The following RASIP1 variants were observed in gnomAD, a reference collection of about 807,000 sequenced individuals.
RASIP1 encodes the protein ras-interacting protein 1.
In RASIP1, 20 loss-of-function variants were observed where a neutral mutation model predicts 85.3. The observed-to-expected ratio is 0.23, with a 90% CI of 0.17 to 0.34. The LOEUF (loss-of-function observed/expected upper bound fraction) is 0.34, where lower values mean the gene tolerates loss of function less well. RASIP1 is among the 10% of genes least tolerant of loss of function. The pLI, the probability that RASIP1 is intolerant of heterozygous loss-of-function variation, is 1.00. For missense variants in RASIP1, 1,170 were observed against 1,390.9 expected, an observed-to-expected ratio of 0.84 and a Z score of 2.53; for synonymous variants, 617 against 647.1, an observed-to-expected ratio of 0.95 and a Z score of 0.71.
rs933264566 is a variant in RASIP1, at chr19:48,740,597, C to A, written c.-81G>T. On this transcript the variant is annotated 5_prime_UTR_variant, in exon 1 of 12. Coordinates refer to ENST00000222145, the MANE Select transcript of RASIP1 (RefSeq NM_017805.3). The surrounding 1 kb of genome is among the most constrained non-coding windows in gnomAD (Gnocchi z 5.5). ...AGTTCCACTGCTCTTGCCTCTGCCA[C>A]GGCTCCCAGCACTGGGTGGGGGACA... 8 of 1,381,626 alleles carry A rather than the reference C, an allele frequency of 5.8e-6. No homozygotes were observed. Among genetic ancestry groups the A allele is most frequent in the African/African-American group, 2.9e-5 (2 of 68,836 alleles). 85.6% of individuals were successfully genotyped at this position (1,381,626 alleles called of 1,614,324 possible).
At chr19:48,737,422 C>G in intron 3 of RASIP1, 1 of 982,882 alleles carries the variant, frequency 1.0e-6, no homozygotes, top group Non-Finnish European at 1.2e-6. Context: ...CAGGCGCGGT[C>G]CACCACCAGC....
rs1287559833 is a variant in RASIP1, at chr19:48,720,944, T to C, written c.2746A>G (p.Ser916Gly). 1.2e-6 allele frequency: 2 copies of C among 1,612,532 alleles called. No individual in the cohort carries two copies. Among genetic ancestry groups the C allele is most frequent in the Non-Finnish European group, 1.7e-6 (2 of 1,179,702 alleles). Residue 916 changes from serine (S) to glycine (G), a missense_variant, in exon 12 of 12, where the codon AGC (serine) becomes GGC (glycine). Physicochemically the swap from Ser to Gly is moderately conservative, Grantham distance 56 (BLOSUM62 0). Around this residue, in one of 4 missense-constraint regions of RASIP1, gnomAD observed 144 missense variants for 125.5 expected, o/e 1.15. Transcript: ENST00000222145. ...GGACCAGTGAGGCGCAGGCGCGAGC[T>C]CCCCAGGGGGAGGATGAGGGGCGGG... ...SHPPLILPLG[S>G]SRLRLTGPVT...
chr19:48,734,433 T>A, intron 4 of RASIP1, among the ~76,000 whole-genome samples: 1 of 149,786 alleles, frequency 6.7e-6, no homozygotes, highest in African/African-American at 2.5e-5. Flanking sequence ...CCTGCCTCAG[T>A]CTCCCGAGTA....
rs1599750348 is a variant in RASIP1, at chr19:48,738,678, A to C, written c.823+282T>G. 7.1e-6 allele frequency: 2 copies of C among 281,700 alleles called. No individual in the cohort carries two copies. The highest frequency in any genetic ancestry group is 1.3e-5 in the Non-Finnish European group (2 of 156,294). The allele number at this position is 281,700 out of a possible 1,614,324, so 17.5% of individuals were successfully genotyped here. On this transcript the variant is annotated intron_variant, in intron 3 of 11. Coordinates refer to ENST00000222145, the MANE Select transcript of RASIP1 (RefSeq NM_017805.3). This position sits in a 1 kb window ranked among gnomAD's most constrained non-coding sequence, Gnocchi z 4.0. Reference sequence around the variant, plus strand: ...AGGCCACTCCAAGCCACCACCAGCAACCAGCCCCCGTCCCGCCTAAGCCCC... The same window carrying C: ...AGGCCACTCCAAGCCACCACCAGCACCCAGCCCCCGTCCCGCCTAAGCCCC...
Position 48,720,735 on chromosome 19 carries a change from C to T in RASIP1, c.*63G>A. The stretch of plus-strand genomic sequence containing the variant: ...ACTCCCAGAAAGCTTTGCGCTCAGG[C>T]GGGCTCCTGTCCGTAGAAGCCCGTG... On this transcript the variant is annotated 3_prime_UTR_variant, in exon 12 of 12. Coordinates refer to ENST00000222145, the MANE Select transcript of RASIP1 (RefSeq NM_017805.3). 1.3e-6 allele frequency: 2 copies of T among 1,538,902 alleles called. No individual in the cohort carries two copies. The highest frequency in any genetic ancestry group is 1.8e-6 in the Non-Finnish European group (2 of 1,114,952).
At chr19:48,723,424 G>A (rs1435395557) in intron 10 of RASIP1, among the ~76,000 whole-genome samples, 1 of 152,000 alleles carries the variant, frequency 6.6e-6, no homozygotes, top group African/African-American at 2.4e-5. Flanking sequence ...GCCGGGTGTG[G>A]TGGCGCGTGC....
Position 48,740,049 on chromosome 19 carries a change from A to C in RASIP1, c.137+97T>G. 7.0e-7 allele frequency: 1 copy of C among 1,423,652 alleles called. No homozygotes were observed. The highest frequency in any genetic ancestry group is 1.5e-5 in the South Asian group (1 of 68,810). The allele number at this position is 1,423,652 out of a possible 1,614,324, so 88.2% of individuals were successfully genotyped here. On this transcript the variant is annotated intron_variant, in intron 2 of 11. Coordinates refer to ENST00000222145, the MANE Select transcript of RASIP1 (RefSeq NM_017805.3). The surrounding 1 kb of genome is among the most constrained non-coding windows in gnomAD (Gnocchi z 5.5). ...CAGCTCGTTTGCCCAATTCAGGATG[A>C]GGACCGGAGCCAACACTTTGCAGGG...
In RASIP1 at chr19:48,720,789, T is replaced by C; in HGVS notation, c.*9A>G. 6.2e-7 allele frequency: 1 copy of C among 1,613,388 alleles called. No homozygotes were observed. Among genetic ancestry groups the C allele is most frequent in the Non-Finnish European group, 8.5e-7 (1 of 1,179,588 alleles). On this transcript the variant is annotated 3_prime_UTR_variant, in exon 12 of 12. Transcript: ENST00000222145. The stretch of plus-strand genomic sequence containing the variant: ...TTTCAAGGTTCGCGCGCTCGTTTGG[T>C]ATTGGTTCTCAAGGAGACGTGGCCA...
At position 48,739,626 on chromosome 19, in the gene RASIP1, C is replaced by T; in HGVS notation, c.157G>A (p.Gly53Arg). The change falls in exon 3 of 12, where the codon GGG (glycine) becomes AGG (arginine). Residue 53 changes from glycine to arginine, a missense_variant. Around this residue, in one of 4 missense-constraint regions of RASIP1, gnomAD observed 299 missense variants for 394.4 expected, o/e 0.76. Transcript: ENST00000222145. This position sits in a 1 kb window ranked among gnomAD's most constrained non-coding sequence, Gnocchi z 9.2. ...GGTAGCGGCTCGCTGCTGCGGCTCC[C>T]CGTGTCCGACGAAGAAGACCTGGGA... ...ASVKSSSSDTGSRSSEPLPPP... is the reference protein window; with the variant it reads ...ASVKSSSSDTRSRSSEPLPPP... The T allele has an allele frequency of 7.0e-7, 1 of 1,434,372 alleles. No individual in the cohort carries two copies. The highest frequency in any genetic ancestry group is 9.1e-7 in the Non-Finnish European group (1 of 1,093,116). The allele number at this position is 1,434,372 out of a possible 1,614,324, so 88.9% of individuals were successfully genotyped here.
Position 48,739,588 on chromosome 19 carries a change from C to T in RASIP1, c.195G>A (p.Pro65=), listed in dbSNP as rs754318045. The T allele has an allele frequency of 6.1e-5, 91 of 1,484,472 alleles. No individual in the cohort carries two copies. The South Asian group carries it at 8.3e-4, about 14-fold the overall frequency. The allele number at this position is 1,484,472 out of a possible 1,614,324, so 92.0% of individuals were successfully genotyped here. The change falls in exon 3 of 12, where the codon CCG becomes CCA. Residue 65 remains proline (P), a synonymous_variant. Transcript: ENST00000222145. This position sits in a 1 kb window ranked among gnomAD's most constrained non-coding sequence, Gnocchi z 9.2. The stretch of plus-strand genomic sequence containing the variant: ...CGCCCACTCGCCGCAGCTCCACGTG[C>T]GGCGGGGGCGGAGGTAGCGGCTCGC... ...RSSEPLPPPP[P]HVELRRVGAV... is the part of the protein sequence containing the mutation.
chr19:48,731,702 C>T (rs1388642339), intron 4 of RASIP1, among the ~76,000 whole-genome samples: 2 of 152,218 alleles, frequency 1.3e-5, no homozygotes, highest in African/African-American at 2.4e-5. Context: ...ACACTAAATT[C>T]TACCATTACC....
In RASIP1 at chr19:48,729,039, C is replaced by A; in HGVS notation, c.1731G>T (p.Thr577=). Reference sequence around the variant, plus strand: ...AATGCTGCACGCACAGCGCCAGCAGCGTGGCGGGCCCGAGGGGCGGCAGGT... The same window carrying A: ...AATGCTGCACGCACAGCGCCAGCAGAGTGGCGGGCCCGAGGGGCGGCAGGT... ...SGDLPPLGPA[T]LLALCVQHSA... is the part of the protein sequence containing the mutation. Residue 577 remains threonine (T), a synonymous_variant, in exon 5 of 12, where the codon ACG becomes ACT. Transcript: ENST00000222145. 1 of 1,406,428 alleles carries A rather than the reference C, an allele frequency of 7.1e-7. No individual in the cohort carries two copies. The highest frequency in any genetic ancestry group is 9.2e-7 in the Non-Finnish European group (1 of 1,089,206). The allele number at this position is 1,406,428 out of a possible 1,614,324, so 87.1% of individuals were successfully genotyped here.
chr19:48,723,992 G>A (rs1221440027), intron 10 of RASIP1, among the ~76,000 whole-genome samples: 3 of 152,108 alleles, frequency 2.0e-5, no homozygotes, highest in Non-Finnish European at 2.9e-5. Context: ...ATTTTTAGTA[G>A]AGACAGCGTT....
chr19:48,730,146 A>C (rs2033427270), intron 4 of RASIP1, among the ~76,000 whole-genome samples: 1 of 151,416 alleles, frequency 6.6e-6, no homozygotes, highest in African/African-American at 2.4e-5. Context: ...CCCATCCCGA[A>C]GACCGGCTAT....
In RASIP1 at chr19:48,738,764, C is replaced by G; in HGVS notation, c.823+196G>C. On this transcript the variant is annotated intron_variant, in intron 3 of 11. Transcript: ENST00000222145. This position sits in a 1 kb window ranked among gnomAD's most constrained non-coding sequence, Gnocchi z 4.0. ...AAGCCCCACCCAACTCTCAGGCCCG[C>G]CCATCTGGCCGCCCCCGGCCCTGCT... 1 of 638,046 alleles carries G rather than the reference C, an allele frequency of 1.6e-6. No homozygotes were observed. Among genetic ancestry groups the G allele is most frequent in the Non-Finnish European group, 2.2e-6 (1 of 462,138 alleles). 39.5% of individuals were successfully genotyped at this position (638,046 alleles called of 1,614,324 possible). A position where few individuals can be genotyped will look rare whatever the true frequency, so the allele number is the denominator to read the frequency against.
At position 48,740,564 on chromosome 19, in the gene RASIP1, C is replaced by T; in HGVS notation, c.-48G>A. On this transcript the variant is annotated 5_prime_UTR_variant, in exon 1 of 12. Transcript: ENST00000222145. The surrounding 1 kb of genome is among the most constrained non-coding windows in gnomAD (Gnocchi z 5.5). Reference sequence around the variant, plus strand: ...CACCCGGAGGCCCTGGCTCCACTGGCCTGGGTCAGTTCCACTGCTCTTGCC... The same window carrying T: ...CACCCGGAGGCCCTGGCTCCACTGGTCTGGGTCAGTTCCACTGCTCTTGCC... 1 of 1,389,912 alleles carries T rather than the reference C, an allele frequency of 7.2e-7. No individual in the cohort carries two copies. The highest frequency in any genetic ancestry group is 1.4e-5 in the African/African-American group (1 of 69,042). The allele number at this position is 1,389,912 out of a possible 1,614,324, so 86.1% of individuals were successfully genotyped here.
Position 48,721,875 on chromosome 19 carries a change from C to T in RASIP1, c.2671G>A (p.Glu891Lys), listed in dbSNP as rs1387238292. 3 of 1,607,150 alleles carry T rather than the reference C, an allele frequency of 1.9e-6. No individual in the cohort carries two copies. The highest frequency in any genetic ancestry group is 2.7e-5 in the African/African-American group (2 of 74,348). The change falls in exon 11 of 12, where the codon GAG becomes AAG. Residue 891 changes from glutamate (E) to lysine (K), a missense_variant. By Grantham distance (56) the Glu-to-Lys change is moderately conservative. Around this residue, in one of 4 missense-constraint regions of RASIP1, gnomAD observed 144 missense variants for 125.5 expected, o/e 1.15. Transcript: ENST00000222145. ...TCACCTGTGTCCACAGCCTCCCGCT[C>T]TGCAGGGGGAGGGTCCCACGCGGCT... ...PPAAWDPPPA[E>K]REAVDTGDIF...
rs2033609578 is a variant in RASIP1, at chr19:48,738,421, AG to A, written c.823+538del. 1 of 152,306 alleles carries A rather than the reference AG, an allele frequency of 6.6e-6. No individual in the cohort carries two copies. The highest frequency in any genetic ancestry group is 2.4e-5 in the African/African-American group (1 of 41,452). 9.4% of individuals were successfully genotyped at this position (152,306 alleles called of 1,614,324 possible). A position where few individuals can be genotyped will look rare whatever the true frequency, so the allele number is the denominator to read the frequency against. ...AGACCTCGCAGAAACCTTACCAGAA[AG>A]TGGGGATTGGTTAGAGAAAGGAACT... On this transcript the variant is annotated intron_variant, in intron 3 of 11. Transcript: ENST00000222145. This position sits in a 1 kb window ranked among gnomAD's most constrained non-coding sequence, Gnocchi z 4.0.
chr19:48,738,719 A>G lies in RASIP1; in HGVS notation c.823+241T>C, dbSNP rs973579. On this transcript the variant is annotated intron_variant, in intron 3 of 11. Transcript: ENST00000222145. The surrounding 1 kb of genome is among the most constrained non-coding windows in gnomAD (Gnocchi z 4.0). ...CCTAAGCCCCAAGCTTGGCCCCTGTAAAACTCCTGCTCAATCAACAAGCCC... is the reference window on the plus strand; with the variant it reads ...CCTAAGCCCCAAGCTTGGCCCCTGTGAAACTCCTGCTCAATCAACAAGCCC... The G allele has an allele frequency of 0.41, 155,883 of 383,572 alleles. 35,821 individuals carry two copies. The highest frequency in any genetic ancestry group is 0.52 in the Middle Eastern group (637 of 1,228). The allele number at this position is 383,572 out of a possible 1,614,324, so 23.8% of individuals were successfully genotyped here.
Sources: gnomAD v4.1 joint callset for allele counts (sites outside exome capture counted in the v4.1 genomes callset) on GRCh38, gnomAD v4.1.1 for gene constraint, gnomAD v4.1.1 regional missense constraint, Gnocchi (gnomAD v3.1) non-coding constraint, MANE v1.5 for transcripts, NCBI Gene and HGNC (gene_info 2026-07-23, HGNC 2026-07-21) for gene names.